The following ADAM32 variants were observed in gnomAD, a reference collection of about 807,000 sequenced individuals.
ADAM32 encodes the protein disintegrin and metalloproteinase domain-containing protein 32.
In ADAM32, 89 loss-of-function variants were observed where a neutral mutation model predicts 114.9. The observed-to-expected ratio is 0.77, with a 90% CI of 0.65 to 0.92. ADAM32 has a LOEUF of 0.92. ADAM32 is among the 40% of genes least tolerant of loss of function. ADAM32 has a pLI of 0.00. For synonymous variants in ADAM32, 285 were observed against 307.5 expected, an observed-to-expected ratio of 0.93 and a Z score of 0.77; for missense variants, 870 against 932.8, an observed-to-expected ratio of 0.93 and a Z score of 0.88.
intron 19 of ADAM32, among the ~76,000 whole-genome samples, chr8:39,266,207 A>G (rs1452718835): frequency 1.3e-5 from 2 of 152,158 alleles, no homozygotes; most frequent in East Asian, 3.8e-4. Flanking sequence ...GCATGTCAAC[A>G]TCTCTAGTGA....
intron 10 of ADAM32, among the ~76,000 whole-genome samples, chr8:39,172,403 G>A (rs1805256964): frequency 6.6e-6 from 1 of 152,124 alleles, no homozygotes; most frequent in African/African-American, 2.4e-5. Context: ...GTGTGCCATG[G>A]TGGTTTTCTG....
At chr8:39,157,488 TCAG>T in intron 6 of ADAM32, 1 of 373,826 alleles carries the variant, frequency 2.7e-6, no homozygotes, top group Non-Finnish European at 5.1e-6. Flanking sequence ...TTTTTCAGTG[TCAG>T]ATAACTTTTA....
intron 6 of ADAM32, among the ~76,000 whole-genome samples, chr8:39,153,092 G>A (rs1481387548): frequency 6.6e-6 from 1 of 152,166 alleles, no homozygotes; most frequent in Admixed American, 6.5e-5. Flanking sequence ...AAATTTATGT[G>A]AGAGAGAAAT....
At chr8:39,147,870 T>C (rs1184529919) in intron 4 of ADAM32, among the ~76,000 whole-genome samples, 1 of 152,064 alleles carries the variant, frequency 6.6e-6, no homozygotes, top group Non-Finnish European at 1.5e-5. Flanking sequence ...ACCTCCTGGG[T>C]TCAAGTGATT....
chr8:39,212,471 T>C (rs1808292508), intron 12 of ADAM32, among the ~76,000 whole-genome samples: 2 of 152,232 alleles, frequency 1.3e-5, no homozygotes, highest in African/African-American at 4.8e-5. Flanking sequence ...AGCTTATTCA[T>C]ATTTGCAGTC....
At chr8:39,135,926 T>A (rs1179076546) in intron 2 of ADAM32, among the ~76,000 whole-genome samples, 1 of 152,200 alleles carries the variant, frequency 6.6e-6, no homozygotes, top group African/African-American at 2.4e-5. Flanking sequence ...ACAAACTGCC[T>A]CATTCTTCTT....
At chr8:39,231,040 A>G (rs985988542) in intron 14 of ADAM32, among the ~76,000 whole-genome samples, 2 of 152,202 alleles carry the variant, frequency 1.3e-5, no homozygotes, top group Non-Finnish European at 2.9e-5. Context: ...GGGTAGAACC[A>G]GTGAATATAT....
chr8:39,127,644 A>AT (rs1311413670), intron 2 of ADAM32, among the ~76,000 whole-genome samples: 4 of 151,860 alleles, frequency 2.6e-5, no homozygotes, highest in Non-Finnish European at 4.4e-5. Context: ...GGATTTATTG[A>AT]TTTTTTGAAG....
intron 10 of ADAM32, among the ~76,000 whole-genome samples, chr8:39,180,227 C>A (rs1001099831): frequency 6.6e-6 from 1 of 152,198 alleles, no homozygotes; most frequent in African/African-American, 2.4e-5. Context: ...CCGGCCCTGC[C>A]GACCCCAGGC....
chr8:39,124,275 G>A (rs781379229), intron 2 of ADAM32, among the ~76,000 whole-genome samples: 2 of 151,794 alleles, frequency 1.3e-5, no homozygotes, highest in Non-Finnish European at 2.9e-5. Flanking sequence ...AATGGGCAGT[G>A]TTTGGTTTTC....
intron 16 of ADAM32, among the ~76,000 whole-genome samples, chr8:39,238,331 G>A (rs1810330137): frequency 6.6e-6 from 1 of 152,200 alleles, no homozygotes; most frequent in African/African-American, 2.4e-5. Flanking sequence ...GAGCAGTAAT[G>A]ATCACTGTGG....
At position 39,160,326 on chromosome 8, in the gene ADAM32, G is replaced by A. The variant is rs113919622; in HGVS notation, c.526-571G>A. Among the ~76,000 whole-genome samples, 853 of 152,176 alleles carry A rather than the reference G, an allele frequency of 5.6e-3. 4 individuals carry two copies. Among genetic ancestry groups the A allele is most frequent in the African/African-American group, 0.019 (794 of 41,536 alleles). On this transcript the variant is annotated intron_variant, in intron 6 of 24. Coordinates refer to ENST00000379907, the MANE Select transcript of ADAM32 (RefSeq NM_145004.7). ...GAGGCCAAGGCGGGCGGATCGCGAGGTCAGGAGATGGAGACCATCCTGGCT... is the reference window on the plus strand; with the variant it reads ...GAGGCCAAGGCGGGCGGATCGCGAGATCAGGAGATGGAGACCATCCTGGCT...
At chr8:39,280,540 G>A (rs1309978614) in intron 22 of ADAM32, among the ~76,000 whole-genome samples, 1 of 152,112 alleles carries the variant, frequency 6.6e-6, no homozygotes, top group Non-Finnish European at 1.5e-5. Context: ...CATTAACTTC[G>A]AAGTAATTTG....
rs185823714 is a variant in ADAM32 at position 39,283,095 on chromosome 8, C to T, written c.2319-491C>T. On this transcript the variant is annotated intron_variant, in intron 23 of 24. Coordinates refer to ENST00000379907, the MANE Select transcript of ADAM32 (RefSeq NM_145004.7). The stretch of plus-strand genomic sequence containing the variant: ...AGTTAGGGGATTAGAAATAAGGAAT[C>T]TGTGTATATAAAAATGGAAAAGACT... Among the ~76,000 whole-genome samples, 90 of 152,086 alleles carry T rather than the reference C, an allele frequency of 5.9e-4. 1 individual carries two copies. Among genetic ancestry groups the T allele is most frequent in the Non-Finnish European group, 7.5e-4 (51 of 67,970 alleles).
chr8:39,152,339 A>G (rs1294197991), intron 6 of ADAM32, among the ~76,000 whole-genome samples: 1 of 152,208 alleles, frequency 6.6e-6, no homozygotes, highest in Non-Finnish European at 1.5e-5. Flanking sequence ...ACCAAGTAAC[A>G]TTGGCATAAC....
intron 10 of ADAM32, among the ~76,000 whole-genome samples, chr8:39,171,589 A>T (rs1400512986): frequency 1.3e-5 from 2 of 152,154 alleles, no homozygotes; most frequent in African/African-American, 2.4e-5. Flanking sequence ...CTATAGATAT[A>T]CAAAGCAAAA....
chr8:39,258,131 C>CT lies in ADAM32; in HGVS notation c.2162+798dup, dbSNP rs1386345894. Among the ~76,000 whole-genome samples the CT allele has an allele frequency of 8.0e-3, 1,172 of 146,948 alleles. 10 individuals carry two copies. Among genetic ancestry groups the CT allele is most frequent in the African/African-American group, 0.027 (1,097 of 40,300 alleles). On this transcript the variant is annotated intron_variant, in intron 19 of 24. Coordinates refer to ENST00000379907, the MANE Select transcript of ADAM32 (RefSeq NM_145004.7). ...TTCAATTTTGGTTTGTTTGTTTTGT[C>CT]TTTTTTTTTTCTTTTTCATGAGCAG...
intron 11 of ADAM32, among the ~76,000 whole-genome samples, chr8:39,200,702 C>T (rs900840029): frequency 1.3e-5 from 2 of 152,144 alleles, no homozygotes; most frequent in South Asian, 2.1e-4. Context: ...CTTGCACATG[C>T]CTATGTCCTG....
chr8:39,180,040 G>A (rs867945408), intron 10 of ADAM32, among the ~76,000 whole-genome samples: 6 of 152,318 alleles, frequency 3.9e-5, no homozygotes, highest in African/African-American at 9.6e-5. Context: ...TTGGCCCACC[G>A]CTGCACTGTG....
Sources: gnomAD v4.1 joint callset for allele counts (sites outside exome capture counted in the v4.1 genomes callset) on GRCh38, gnomAD v4.1.1 for gene constraint, MANE v1.5 for transcripts, NCBI Gene and HGNC (gene_info 2026-07-23, HGNC 2026-07-21) for gene names.